PCDHGA3: variants seen among roughly 807,000 people sequenced by gnomAD.
PCDHGA3 encodes protocadherin gamma subfamily A, 3, also known as protocadherin gamma-A3.
A neutral mutation model predicts 58.5 loss-of-function variants in PCDHGA3; 40 were observed. The observed-to-expected ratio is 0.68, with a 90% CI of 0.53 to 0.89. The LOEUF (loss-of-function observed/expected upper bound fraction) is 0.89, where lower values mean the gene tolerates loss of function less well. PCDHGA3 is among the 40% of genes least tolerant of loss of function. PCDHGA3 has a pLI of 0.00. For missense variants in PCDHGA3, 1,223 were observed against 1,195.9 expected (o/e 1.02, Z -0.33); for synonymous variants, 530 against 525.7 (o/e 1.01, Z -0.11).
intron 1 of PCDHGA3, among the ~76,000 whole-genome samples, chr5:141,358,994 G>A (rs1588537636): frequency 6.6e-6 from 1 of 152,222 alleles, no homozygotes; most frequent in Admixed American, 6.5e-5. Context: ...GAATGCATAT[G>A]CTTACACAAA....
intron 1 of PCDHGA3, chr5:141,379,340 T>C (rs576770875): frequency 1.3e-5 from 2 of 152,350 alleles, no homozygotes; most frequent in South Asian, 4.1e-4. Flanking sequence ...TCTTCAAAGC[T>C]CATTTTCTTG....
At chr5:141,421,225 G>A in intron 1 of PCDHGA3, 1 of 1,584,302 alleles carries the variant, frequency 6.3e-7, no homozygotes. Flanking sequence ...CTTAGAGCCT[G>A]CCATGGCGAA....
intron 3 of PCDHGA3, among the ~76,000 whole-genome samples, chr5:141,505,973 G>A (rs1207489923): frequency 6.6e-6 from 1 of 152,166 alleles, no homozygotes; most frequent in Non-Finnish European, 1.5e-5. Context: ...ATCCCCAGCC[G>A]AGAGAACACC....
At position 141,393,532 on chromosome 5, in the gene PCDHGA3, C is replaced by G. The variant is rs1411410420; in HGVS notation, c.2424+47075C>G. 1.4e-5 allele frequency: 23 copies of G among 1,613,886 alleles called. No homozygotes were observed. Among genetic ancestry groups the G allele is most frequent in the Non-Finnish European group, 1.9e-5 (23 of 1,179,916 alleles). On this transcript the variant is annotated intron_variant, in intron 1 of 3. Transcript: ENST00000253812. The stretch of plus-strand genomic sequence containing the variant: ...GTGTTGGATACAAATGACAATGCCC[C>G]GGTTTTTCCTCACCCGATTTACCGA...
At chr5:141,473,450 T>A (rs2099322542) in intron 1 of PCDHGA3, among the ~76,000 whole-genome samples, 2 of 152,150 alleles carry the variant, frequency 1.3e-5, no homozygotes, top group South Asian at 4.1e-4. Flanking sequence ...AAAATAATTA[T>A]AAAATTTAAA....
At chr5:141,420,208 A>G (rs1396340813) in intron 1 of PCDHGA3, 1 of 1,612,970 alleles carries the variant, frequency 6.2e-7, no homozygotes, top group Non-Finnish European at 8.5e-7. Flanking sequence ...ACCTCAACAA[A>G]GATAGCATGC....
intron 1 of PCDHGA3, chr5:141,376,339 C>G: frequency 6.2e-7 from 1 of 1,614,192 alleles, no homozygotes; most frequent in Non-Finnish European, 8.5e-7. Flanking sequence ...TCCTGCAGAC[C>G]TATTCCCACG....
intron 1 of PCDHGA3, among the ~76,000 whole-genome samples, chr5:141,359,411 G>T (rs1467965013): frequency 6.6e-6 from 1 of 151,822 alleles, no homozygotes; most frequent in Non-Finnish European, 1.5e-5. Context: ...TTTAAAAAAT[G>T]TGTTTTTGTT....
At chr5:141,424,300 AAC>A (rs1370166165) in intron 1 of PCDHGA3, 2 of 152,504 alleles carry the variant, frequency 1.3e-5, no homozygotes, top group Non-Finnish European at 2.9e-5. Context: ...TCATCCTATC[AAC>A]ACAGACATAT....
At chr5:141,479,936 T>C (rs532302710) in intron 1 of PCDHGA3, among the ~76,000 whole-genome samples, 97 of 152,340 alleles carry the variant, frequency 6.4e-4, no homozygotes, top group African/African-American at 2.2e-3. Flanking sequence ...ATCATTGCTA[T>C]CAACTCTTGG....
rs772052592 is a variant in PCDHGA3, at chr5:141,385,040, T to C, written c.2424+38583T>C. 6.2e-6 allele frequency: 10 copies of C among 1,614,040 alleles called. No individual in the cohort carries two copies. In the South Asian group the frequency reaches 9.9e-5, roughly 16 times the overall value. On this transcript the variant is annotated intron_variant, in intron 1 of 3. Coordinates refer to ENST00000253812, the MANE Select transcript of PCDHGA3 (RefSeq NM_018916.4). The stretch of plus-strand genomic sequence containing the variant: ...GCCTTCGTCCTCGTACTGCTGGCGC[T>C]CAGGCTGCGGCGCTGGCACAAGTCA...
intron 1 of PCDHGA3, among the ~76,000 whole-genome samples, chr5:141,364,048 G>C (rs1027287305): frequency 6.6e-6 from 1 of 152,188 alleles, no homozygotes; most frequent in African/African-American, 2.4e-5. Context: ...AACATTATTA[G>C]AAATAAAATT....
intron 1 of PCDHGA3, among the ~76,000 whole-genome samples, chr5:141,407,290 G>A (rs1025830566): frequency 3.3e-5 from 5 of 152,154 alleles, no homozygotes; most frequent in African/African-American, 1.2e-4. Context: ...TACAATTTCT[G>A]TTCTGAGGAG....
chr5:141,361,101 A>T (rs1561522618), intron 1 of PCDHGA3: 1 of 1,614,014 alleles, frequency 6.2e-7, no homozygotes, highest in Non-Finnish European at 8.5e-7. Context: ...TCGAAGCAAA[A>T]GATCCTGGAG....
chr5:141,371,347 G>A (rs755497433), intron 1 of PCDHGA3: 1 of 1,613,960 alleles, frequency 6.2e-7, no homozygotes, highest in Non-Finnish European at 8.5e-7. Flanking sequence ...TACACAATTG[G>A]GGTGGAAGCA....
In PCDHGA3 at chr5:141,476,336, C is replaced by A; in HGVS notation, c.2425-18471C>A. 18 of 1,614,008 alleles carry A rather than the reference C, an allele frequency of 1.1e-5. No homozygotes were observed. Among genetic ancestry groups the A allele is most frequent in the Non-Finnish European group, 1.5e-5 (18 of 1,180,008 alleles). ...GTTCCGGGTGGTGTCTGGAGCTAGC[C>A]GAAGATTCTTTGAGGTGAACCGGGA... On this transcript the variant is annotated intron_variant, in intron 1 of 3. Coordinates refer to ENST00000253812, the MANE Select transcript of PCDHGA3 (RefSeq NM_018916.4). The surrounding 1 kb of genome is among the most constrained non-coding windows in gnomAD (Gnocchi z 7.6).
intron 2 of PCDHGA3, among the ~76,000 whole-genome samples, chr5:141,501,057 C>T (rs185929124): frequency 9.7e-4 from 147 of 151,960 alleles, no homozygotes; most frequent in African/African-American, 3.4e-3. Context: ...TTAGTAGAGA[C>T]GGGGTTTCAC....
chr5:141,351,968 C>T, intron 1 of PCDHGA3: 4 of 1,612,640 alleles, frequency 2.5e-6, no homozygotes, highest in Non-Finnish European at 3.4e-6. Flanking sequence ...TGGCTCCGCC[C>T]TCTTCGATAT....
intron 1 of PCDHGA3, chr5:141,393,005 C>T: frequency 6.2e-7 from 1 of 1,613,866 alleles, no homozygotes; most frequent in Non-Finnish European, 8.5e-7. Context: ...AGCACGGAGT[C>T]CGTATCGTCT....
Sources: gnomAD v4.1 joint callset for allele counts (sites outside exome capture counted in the v4.1 genomes callset) on GRCh38, gnomAD v4.1.1 for gene constraint, Gnocchi (gnomAD v3.1) non-coding constraint, MANE v1.5 for transcripts, NCBI Gene and HGNC (gene_info 2026-07-23, HGNC 2026-07-21) for gene names.